Variants in LRRC4C observed in about 807,000 individuals in gnomAD.
LRRC4C encodes the protein leucine rich repeat containing 4C, also known as leucine-rich repeat-containing protein 4C.
Under a neutral mutation model 33.6 loss-of-function variants are expected in LRRC4C, and 5 were observed. That is an observed-to-expected ratio of 0.15 (90% CI 0.08 to 0.31). LRRC4C has a LOEUF of 0.31. LRRC4C is among the 10% of genes least tolerant of loss of function. The probability of loss-of-function intolerance (pLI) is 1.00; values close to 1 mark genes in which losing one functional copy is unlikely to be tolerated. For missense variants in LRRC4C, 560 were observed against 796.7 expected (o/e 0.70, Z 3.58); for synonymous variants, 329 against 302.0 (o/e 1.09, Z -0.93).
rs1401959010 is a variant in LRRC4C, at chr11:41,425,963, C to T, written c.-496+33468G>A. Among the ~76,000 whole-genome samples the T allele has an allele frequency of 2.0e-5, 3 of 152,104 alleles. 1 individual carries two copies. The highest frequency in any genetic ancestry group is 4.4e-5 in the Non-Finnish European group (3 of 68,014). ...TTCAAGCCTTCAAATAATGCAGTCACATATTGTAGAAAGCTCAGTGAATCA... is the reference window on the plus strand; with the variant it reads ...TTCAAGCCTTCAAATAATGCAGTCATATATTGTAGAAAGCTCAGTGAATCA... On this transcript the variant is annotated intron_variant, in intron 1 of 6. Transcript: ENST00000528697.
intron 6 of LRRC4C, among the ~76,000 whole-genome samples, chr11:40,134,140 C>G (rs375086760): frequency 5.9e-5 from 9 of 152,114 alleles, no homozygotes; most frequent in East Asian, 3.9e-4. Flanking sequence ...GCCTGTAGTC[C>G]CAGCTACTTG....
intron 1 of LRRC4C, among the ~76,000 whole-genome samples, chr11:41,075,145 C>G (rs1033507004): frequency 2.0e-5 from 3 of 150,226 alleles, no homozygotes; most frequent in African/African-American, 7.4e-5. Flanking sequence ...GGAATGAAAC[C>G]ACATGGAAGC....
At chr11:40,951,724 C>A (rs374823591) in intron 1 of LRRC4C, among the ~76,000 whole-genome samples, 2 of 151,954 alleles carry the variant, frequency 1.3e-5, no homozygotes, top group African/African-American at 4.8e-5. Context: ...AAAGAAGATG[C>A]TGAATTAAGA....
chr11:40,430,620 CT>C (rs1388144400), intron 3 of LRRC4C, among the ~76,000 whole-genome samples: 2 of 152,094 alleles, frequency 1.3e-5, no homozygotes, highest in Non-Finnish European at 2.9e-5. Context: ...CTGTGGCTGG[CT>C]GGTCAGCACA....
intron 2 of LRRC4C, among the ~76,000 whole-genome samples, chr11:40,733,080 T>G (rs1947681167): frequency 1.6e-5 from 2 of 128,742 alleles, no homozygotes; most frequent in Non-Finnish European, 1.6e-5. Context: ...TTTTTTTTTT[T>G]TTTTTTTTTT....
At chr11:41,090,703 T>C (rs1249724051) in intron 1 of LRRC4C, among the ~76,000 whole-genome samples, 1 of 152,066 alleles carries the variant, frequency 6.6e-6, no homozygotes, top group Non-Finnish European at 1.5e-5. Flanking sequence ...GAGAAGGTGA[T>C]TGCATCTTGG....
intron 2 of LRRC4C, among the ~76,000 whole-genome samples, chr11:40,930,680 A>G (rs1957581584): frequency 6.6e-6 from 1 of 152,140 alleles, no homozygotes; most frequent in African/African-American, 2.4e-5. Context: ...TAGATTTTTA[A>G]AATATCACTA....
intron 1 of LRRC4C, among the ~76,000 whole-genome samples, chr11:41,113,698 G>C (rs1245893788): frequency 6.6e-6 from 1 of 151,928 alleles, no homozygotes; most frequent in Non-Finnish European, 1.5e-5. Flanking sequence ...TCAGCACCAA[G>C]TTTTCTTGAG....
intron 2 of LRRC4C, among the ~76,000 whole-genome samples, chr11:40,669,927 ATATAC>A (rs1239125800): frequency 6.6e-6 from 1 of 152,218 alleles, no homozygotes; most frequent in African/African-American, 2.4e-5. Context: ...TGCTCATAAA[ATATAC>A]TATACTATAA....
chr11:40,846,164 C>A (rs1261654663), intron 2 of LRRC4C, among the ~76,000 whole-genome samples: 1 of 151,992 alleles, frequency 6.6e-6, no homozygotes, highest in African/African-American at 2.4e-5. Flanking sequence ...TTTTGCTGTG[C>A]ATAAGCTCTT....
In LRRC4C at chr11:40,652,034, G is replaced by A. The variant is rs1162877375; in HGVS notation, c.-406-3756C>T. Among the ~76,000 whole-genome samples, 6 of 152,034 alleles carry A rather than the reference G, an allele frequency of 3.9e-5. 1 individual carries two copies. The highest frequency in any genetic ancestry group is 1.2e-4 in the African/African-American group (5 of 41,384). On this transcript the variant is annotated intron_variant, in intron 2 of 6. Coordinates refer to ENST00000528697, the MANE Select transcript of LRRC4C (RefSeq NM_001258419.2). ...ACCATTCTTTACAAAAACTCAATTG[G>A]GGATAGATATTATTGAATATTTTAC...
At chr11:40,929,399 A>AAAAT (rs1380806338) in intron 2 of LRRC4C, among the ~76,000 whole-genome samples, 1 of 152,176 alleles carries the variant, frequency 6.6e-6, no homozygotes, top group Non-Finnish European at 1.5e-5. Flanking sequence ...CATACGAATA[A>AAAAT]AAATAAATAA....
chr11:41,372,129 A>C (rs1306116174), intron 1 of LRRC4C, among the ~76,000 whole-genome samples: 1 of 152,194 alleles, frequency 6.6e-6, no homozygotes, highest in Non-Finnish European at 1.5e-5. Flanking sequence ...TGGGCGACTG[A>C]GCGAGACTCC....
At chr11:41,123,439 A>AT (rs1590669865) in intron 1 of LRRC4C, among the ~76,000 whole-genome samples, 1 of 148,808 alleles carries the variant, frequency 6.7e-6, no homozygotes, top group East Asian at 2.0e-4. Context: ...CGCCCGGCTA[A>AT]TTTTTTGTAT....
chr11:40,889,351 A>G (rs978519513), intron 2 of LRRC4C, among the ~76,000 whole-genome samples: 1 of 152,086 alleles, frequency 6.6e-6, no homozygotes, highest in African/African-American at 2.4e-5. Context: ...TAGCAAATCT[A>G]TTTGTTTATA....
Position 40,991,978 on chromosome 11 carries a change from G to T in LRRC4C, c.-495-58255C>A, listed in dbSNP as rs535318854. Among the ~76,000 whole-genome samples, 4 of 152,250 alleles carry T rather than the reference G, an allele frequency of 2.6e-5. No homozygotes were observed. In the East Asian group the frequency reaches 7.7e-4, roughly 29 times the overall value. ...CAACTGGTATAGGTCTATAGCCCAG[G>T]GGTTGGGGGTGCCTGATGTAAAAGA... is the stretch of plus-strand genomic sequence containing the variant. On this transcript the variant is annotated intron_variant, in intron 1 of 6. Coordinates refer to ENST00000528697, the MANE Select transcript of LRRC4C (RefSeq NM_001258419.2).
At chr11:40,393,470 C>A (rs1949414997) in intron 3 of LRRC4C, among the ~76,000 whole-genome samples, 2 of 152,234 alleles carry the variant, frequency 1.3e-5, no homozygotes, top group African/African-American at 4.8e-5. Flanking sequence ...ACAAATCTTT[C>A]AGCTCTAGTT....
chr11:41,384,301 T>C (rs1953270057), intron 1 of LRRC4C, among the ~76,000 whole-genome samples: 1 of 151,950 alleles, frequency 6.6e-6, no homozygotes, highest in Non-Finnish European at 1.5e-5. Context: ...TGCTAGTCTC[T>C]TTTATTTAGT....
At chr11:40,341,658 G>A (rs1946872825) in intron 3 of LRRC4C, among the ~76,000 whole-genome samples, 1 of 152,074 alleles carries the variant, frequency 6.6e-6, no homozygotes, top group Non-Finnish European at 1.5e-5. Context: ...TGCACATTGT[G>A]CACATGAACC....
Sources: gnomAD v4.1 joint callset for allele counts (sites outside exome capture counted in the v4.1 genomes callset) on GRCh38, gnomAD v4.1.1 for gene constraint, MANE v1.5 for transcripts, NCBI Gene and HGNC (gene_info 2026-07-23, HGNC 2026-07-21) for gene names.